B3GALT1: variants seen among roughly 807,000 people sequenced by gnomAD.
The protein encoded by B3GALT1 is beta-1,3-galactosyltransferase 1.
A neutral mutation model predicts 23.2 loss-of-function variants in B3GALT1; 10 were observed. The observed-to-expected ratio is 0.43, with a 90% confidence interval of 0.27 to 0.73. The LOEUF is 0.73. Ranked by LOEUF, B3GALT1 falls within the 30% of genes least tolerant of loss-of-function variation. B3GALT1 has a pLI of 0.21. For synonymous variants in B3GALT1, 156 were observed against 141.5 expected (o/e 1.10, Z -0.73); for missense variants, 299 against 405.4 (o/e 0.74, Z 2.25).
intron 3 of B3GALT1, among the ~76,000 whole-genome samples, chr2:167,747,937 C>G (rs895688399): frequency 4.6e-5 from 7 of 152,082 alleles, no homozygotes; most frequent in African/African-American, 1.7e-4. Context: ...TTTATTTCAC[C>G]AAATTTTAAT....
At chr2:167,793,635 C>T (rs1210441272) in intron 3 of B3GALT1, among the ~76,000 whole-genome samples, 1 of 152,150 alleles carries the variant, frequency 6.6e-6, no homozygotes, top group Non-Finnish European at 1.5e-5. Flanking sequence ...AAAATTTCCT[C>T]AATATAAATA....
intron 2 of B3GALT1, among the ~76,000 whole-genome samples, chr2:167,520,865 G>A (rs1161822035): frequency 1.3e-5 from 2 of 152,160 alleles, no homozygotes; most frequent in Non-Finnish European, 2.9e-5. Flanking sequence ...TTGGCTCAAC[G>A]TTTACTTTTT....
intron 2 of B3GALT1, among the ~76,000 whole-genome samples, chr2:167,492,157 C>T (rs185510437): frequency 3.9e-5 from 6 of 152,282 alleles, no homozygotes; most frequent in Admixed American, 2.0e-4. Flanking sequence ...TCCACTGAAA[C>T]CTGGCAATCT....
chr2:167,317,862 G>A (rs1056585050), intron 1 of B3GALT1, among the ~76,000 whole-genome samples: 3 of 152,038 alleles, frequency 2.0e-5, no homozygotes, highest in Non-Finnish European at 4.4e-5. Flanking sequence ...TTTTCACATT[G>A]CAAATAGATA....
At chr2:167,597,841 C>T (rs965507344) in intron 2 of B3GALT1, among the ~76,000 whole-genome samples, 2 of 152,192 alleles carry the variant, frequency 1.3e-5, no homozygotes, top group African/African-American at 2.4e-5. Context: ...TAAGGAACAG[C>T]TTTGCTTCCC....
At chr2:167,851,489 TGTCTCC>T (rs1340861577) in intron 4 of B3GALT1, among the ~76,000 whole-genome samples, 1 of 152,230 alleles carries the variant, frequency 6.6e-6, no homozygotes, top group Admixed American at 6.5e-5. Flanking sequence ...AGCCATGTTA[TGTCTCC>T]GTCTTGAGTT....
chr2:167,624,864 ATAAT>A (rs1427440190), intron 2 of B3GALT1, among the ~76,000 whole-genome samples: 1 of 152,048 alleles, frequency 6.6e-6, no homozygotes, highest in African/African-American at 2.4e-5. Context: ...GAAATAAGCT[ATAAT>A]TAACTACTTT....
chr2:167,494,405 A>C (rs1385218686), intron 2 of B3GALT1, among the ~76,000 whole-genome samples: 1 of 151,942 alleles, frequency 6.6e-6, no homozygotes, highest in Non-Finnish European at 1.5e-5. Context: ...AGAAGTCCAA[A>C]ATAGGAAAAT....
chr2:167,778,670 T>G (rs1449307655), intron 3 of B3GALT1, among the ~76,000 whole-genome samples: 1 of 152,236 alleles, frequency 6.6e-6, no homozygotes, highest in Non-Finnish European at 1.5e-5. Context: ...GATTTATAAG[T>G]AACTTATGTC....
At chr2:167,389,965 A>G (rs1044555511) in intron 1 of B3GALT1, among the ~76,000 whole-genome samples, 1 of 151,980 alleles carries the variant, frequency 6.6e-6, no homozygotes, top group Non-Finnish European at 1.5e-5. Flanking sequence ...TCGCATGAGA[A>G]GAGGTTCTGG....
chr2:167,411,200 A>G (rs967620973), intron 1 of B3GALT1, among the ~76,000 whole-genome samples: 1 of 151,844 alleles, frequency 6.6e-6, no homozygotes, highest in East Asian at 1.9e-4. Flanking sequence ...AAATGGGATT[A>G]CATCAAGCTA....
intron 1 of B3GALT1, among the ~76,000 whole-genome samples, chr2:167,454,550 A>G (rs1699141971): frequency 6.6e-6 from 1 of 152,200 alleles, no homozygotes; most frequent in African/African-American, 2.4e-5. Context: ...ATAGCAGGAG[A>G]GACGTGGTTC....
At chr2:167,556,234 C>T (rs1683847308) in intron 2 of B3GALT1, among the ~76,000 whole-genome samples, 1 of 152,020 alleles carries the variant, frequency 6.6e-6, no homozygotes, top group South Asian at 2.1e-4. Context: ...GCTTCACATA[C>T]TCAGAGGTTG....
chr2:167,301,823 A>G lies in B3GALT1; in HGVS notation c.-511+8489A>G, dbSNP rs1272208635. On this transcript the variant is annotated intron_variant, in intron 1 of 4. Coordinates refer to ENST00000392690, the MANE Select transcript of B3GALT1 (RefSeq NM_020981.4). The stretch of plus-strand genomic sequence containing the variant: ...CTGGGCCCCCCAAAGTGTTGGGATT[A>G]CAGGTGTGAGCCACTGTGCCCAGCC... Among the ~76,000 whole-genome samples, 4 of 152,190 alleles carry G rather than the reference A, an allele frequency of 2.6e-5. No individual in the cohort carries two copies. The South Asian group carries it at 6.2e-4, about 24-fold the overall frequency.
chr2:167,462,286 A>G (rs1423603047), intron 1 of B3GALT1, among the ~76,000 whole-genome samples: 1 of 152,128 alleles, frequency 6.6e-6, no homozygotes, highest in Admixed American at 6.5e-5. Flanking sequence ...TGAGAATATA[A>G]CAGTTGGCTC....
rs142704603 is a variant in B3GALT1, at chr2:167,451,721, G to A, written c.-510-38456G>A. 9.1e-4 allele frequency among the ~76,000 whole-genome samples: 138 copies of A among 152,282 alleles called. 1 individual carries two copies. The East Asian group carries it at 0.018, about 19-fold the overall frequency. On this transcript the variant is annotated intron_variant, in intron 1 of 4. Transcript: ENST00000392690. Reference sequence around the variant, plus strand: ...GAGAACATCAGCTGAGGTAGTTTAGGGAGGATCAGGCAGTGGGCAGTGCCC... The same window carrying A: ...GAGAACATCAGCTGAGGTAGTTTAGAGAGGATCAGGCAGTGGGCAGTGCCC...
At chr2:167,510,372 G>T (rs1699987466) in intron 2 of B3GALT1, among the ~76,000 whole-genome samples, 1 of 149,084 alleles carries the variant, frequency 6.7e-6, no homozygotes, top group Admixed American at 6.7e-5. Flanking sequence ...TTTTTTAATG[G>T]AACCATGCCT....
chr2:167,820,283 T>C (rs1415732459), intron 4 of B3GALT1, among the ~76,000 whole-genome samples: 1 of 152,102 alleles, frequency 6.6e-6, no homozygotes, highest in Non-Finnish European at 1.5e-5. Context: ...AACAGGGTGC[T>C]CAGGTAGTGA....
chr2:167,626,613 A>G (rs1685352037), intron 2 of B3GALT1, among the ~76,000 whole-genome samples: 1 of 151,554 alleles, frequency 6.6e-6, no homozygotes, highest in African/African-American at 2.4e-5. Flanking sequence ...CAAAACAGGG[A>G]AATATATTTT....
Sources: gnomAD v4.1 joint callset for allele counts (sites outside exome capture counted in the v4.1 genomes callset) on GRCh38, gnomAD v4.1.1 for gene constraint, MANE v1.5 for transcripts, NCBI Gene and HGNC (gene_info 2026-07-23, HGNC 2026-07-21) for gene names.